Variants in SLC35D1 observed in about 807,000 individuals in gnomAD.
SLC35D1 encodes nucleotide sugar transporter SLC35D1.
A neutral mutation model predicts 46.7 loss-of-function variants in SLC35D1; 31 were observed. The observed-to-expected ratio is 0.66, with a 90% CI of 0.50 to 0.90. The LOEUF (loss-of-function observed/expected upper bound fraction) is 0.90. Ranked by LOEUF, SLC35D1 falls within the 40% of genes least tolerant of loss-of-function variation. SLC35D1 has a pLI of 0.00. For synonymous variants in SLC35D1, 195 were observed against 164.6 expected (o/e 1.18, Z -1.41); for missense variants, 397 against 426.2 (o/e 0.93, Z 0.60).
chr1:66,986,173 A>G, the SLC35D1 span: 2 of 1,229,618 alleles, frequency 1.6e-6, no homozygotes, highest in African/African-American at 3.1e-5. Flanking sequence ...TTCTAGTTAC[A>G]ATCCAATTTT....
chr1:67,032,087 G>A, intron 8 of SLC35D1: 3 of 985,370 alleles, frequency 3.0e-6, no homozygotes, highest in Non-Finnish European at 3.6e-6. Context: ...GGAATCTTCG[G>A]TCTTGGCTGA....
chr1:67,013,169 TCC>T (rs1241706222), intron 10 of SLC35D1, among the ~76,000 whole-genome samples: 64 of 134,418 alleles, frequency 4.8e-4, no homozygotes, highest in South Asian at 6.6e-4. Flanking sequence ...TATATATATA[TCC>T]TGTTCTTAAA....
chr1:67,009,151 TAA>T lies in SLC35D1; in HGVS notation c.891_892del (p.Ile299TrpfsTer35), dbSNP rs745564692. 29 of 1,406,014 alleles carry T rather than the reference TAA, an allele frequency of 2.1e-5. No homozygotes were observed. The highest frequency in any genetic ancestry group is 2.7e-5 in the Non-Finnish European group (27 of 1,004,704). 87.1% of individuals were successfully genotyped at this position (1,406,014 alleles called of 1,614,324 possible). On this transcript the variant is annotated frameshift_variant, in exon 11 of 12. Transcript: ENST00000235345. LOFTEE classifies it high-confidence loss of function. Reference sequence around the variant, plus strand: ...ATCTCCACCAAAGACCATTCCAATATAAGTTATTAATATATTCTAAAAATAAA... The same window carrying T: ...ATCTCCACCAAAGACCATTCCAATATGTTATTAATATATTCTAAAAATAAA...
intron 8 of SLC35D1, among the ~76,000 whole-genome samples, chr1:67,033,143 C>T (rs777954792): frequency 4.6e-5 from 7 of 152,050 alleles, no homozygotes; most frequent in Non-Finnish European, 7.4e-5. Flanking sequence ...TCCATTCATT[C>T]GCTGATGGAC....
chr1:66,991,794 CTTT>C, the SLC35D1 span, among the ~76,000 whole-genome samples: 4 of 149,152 alleles, frequency 2.7e-5, no homozygotes, highest in African/African-American at 9.8e-5. Context: ...ATATTTACAG[CTTT>C]TTTTTTTATA....
the SLC35D1 span, among the ~76,000 whole-genome samples, chr1:66,991,211 C>T: frequency 6.6e-6 from 1 of 151,664 alleles, no homozygotes; most frequent in East Asian, 1.9e-4. Flanking sequence ...GAAAACTTTT[C>T]TTTCTTCAAA....
At chr1:66,986,460 C>G in the SLC35D1 span, 2 of 1,608,946 alleles carry the variant, frequency 1.2e-6, no homozygotes, top group South Asian at 2.2e-5. Flanking sequence ...AGAGCCAATG[C>G]CTTTTTAAAA....
At chr1:66,974,187 C>T in the SLC35D1 span, among the ~76,000 whole-genome samples, 1 of 151,918 alleles carries the variant, frequency 6.6e-6, no homozygotes. Flanking sequence ...TGGCAGTTTA[C>T]CGCAGATAAC....
chr1:67,010,242 C>T (rs1180255797), intron 10 of SLC35D1, among the ~76,000 whole-genome samples: 1 of 152,158 alleles, frequency 6.6e-6, no homozygotes, highest in African/African-American at 2.4e-5. Flanking sequence ...GTACTATGCT[C>T]ACTACCTAGG....
chr1:66,990,214 G>A, the SLC35D1 span, among the ~76,000 whole-genome samples: 1 of 152,130 alleles, frequency 6.6e-6, no homozygotes, highest in East Asian at 1.9e-4. Context: ...TGCCTCTAGT[G>A]TTTAGTAGAC....
At chr1:66,995,433 TAAAAAAAAAAAAAAAAAAAAAAAAAA>T (rs541234514), downstream of SLC35D1, among the ~76,000 whole-genome samples, 1,426 of 35,778 alleles carry the variant, frequency 0.04, 34 homozygotes, top group Middle Eastern at 0.21. Context: ...CCTGCTACGC[TAAAAAAAAAAAAAAAAAAAAAAAAAA>T]AAAAAAAAAA....
the SLC35D1 span, among the ~76,000 whole-genome samples, chr1:66,983,239 AC>A: frequency 6.6e-6 from 1 of 152,194 alleles, no homozygotes; most frequent in African/African-American, 2.4e-5. Context: ...TTGAAATCTT[AC>A]AGTTATTTTT....
At chr1:66,974,425 G>GT in the SLC35D1 span, among the ~76,000 whole-genome samples, 819 of 148,752 alleles carry the variant, frequency 5.5e-3, 5 homozygotes, top group African/African-American at 0.016. Context: ...TTTGGATGAG[G>GT]TTTTTTTTTT....
chr1:66,983,309 C>T, the SLC35D1 span, among the ~76,000 whole-genome samples: 1 of 150,708 alleles, frequency 6.6e-6, no homozygotes, highest in Non-Finnish European at 1.5e-5. Context: ...TTGTTCTCTT[C>T]AATATATTAT....
At chr1:67,005,527 C>A (rs1173396376) in intron 11 of SLC35D1, among the ~76,000 whole-genome samples, 1 of 152,204 alleles carries the variant, frequency 6.6e-6, no homozygotes, top group Non-Finnish European at 1.5e-5. Flanking sequence ...ATTTAACCTT[C>A]CCAACCAGAT....
At chr1:66,981,055 T>A in the SLC35D1 span, among the ~76,000 whole-genome samples, 1 of 149,346 alleles carries the variant, frequency 6.7e-6, no homozygotes, top group Non-Finnish European at 1.5e-5. Context: ...GAAACATTTT[T>A]ATGTACATAT....
At chr1:66,974,618 G>A in the SLC35D1 span, among the ~76,000 whole-genome samples, 2 of 152,016 alleles carry the variant, frequency 1.3e-5, no homozygotes, top group Non-Finnish European at 2.9e-5. Flanking sequence ...TTGAAACTTA[G>A]AGCCAAGTAA....
the SLC35D1 span, among the ~76,000 whole-genome samples, chr1:66,993,946 T>C: frequency 2.6e-5 from 4 of 152,224 alleles, no homozygotes; most frequent in Admixed American, 2.0e-4. Context: ...TCGGAAAGCA[T>C]TGAGGTTAGG....
Position 67,014,877 on chromosome 1 carries a change from T to C in SLC35D1, c.876+5492A>G, listed in dbSNP as rs900959251. 2.6e-5 allele frequency among the ~76,000 whole-genome samples: 4 copies of C among 151,398 alleles called. No homozygotes were observed. The South Asian group carries it at 8.3e-4, about 31-fold the overall frequency. On this transcript the variant is annotated intron_variant, in intron 10 of 11. Transcript: ENST00000235345. ...GTCTGGGGACAACACCCAGGCCCTGTCCTCCCTAGCCCAACCATGTCTCTT... is the reference window on the plus strand; with the variant it reads ...GTCTGGGGACAACACCCAGGCCCTGCCCTCCCTAGCCCAACCATGTCTCTT...
Sources: allele counts gnomAD v4.1 joint callset (sites outside exome capture counted in the v4.1 genomes callset), GRCh38; gene constraint gnomAD v4.1.1; transcripts MANE v1.5; gene names NCBI Gene and HGNC (gene_info 2026-07-23, HGNC 2026-07-21).